The following ADAMTS17 variants were observed in gnomAD, a reference collection of about 807,000 sequenced individuals.
ADAMTS17 encodes the protein ADAM metallopeptidase with thrombospondin type 1 motif 17.
A neutral mutation model predicts 141.5 loss-of-function variants in ADAMTS17; 113 were observed. The ratio of observed to expected loss-of-function variants is 0.80; its 90% confidence interval spans 0.69 to 0.93. The LOEUF is 0.93. Ranked by LOEUF, ADAMTS17 falls within the 40% of genes least tolerant of loss-of-function variation. The pLI, the probability that ADAMTS17 is intolerant of heterozygous loss-of-function variation, is 0.00. For synonymous variants in ADAMTS17, 768 were observed against 630.6 expected (o/e 1.22, Z -3.27); for missense variants, 1,659 against 1,517.9 (o/e 1.09, Z -1.54).
intron 7 of ADAMTS17, among the ~76,000 whole-genome samples, chr15:100,220,138 G>A (rs567018008): frequency 6.6e-5 from 10 of 152,266 alleles, no homozygotes; most frequent in Admixed American, 1.3e-4. Flanking sequence ...GCATGAACCT[G>A]AAAGTCTGGC....
chr15:100,189,164 T>C (rs960554814), intron 8 of ADAMTS17, among the ~76,000 whole-genome samples: 4 of 152,216 alleles, frequency 2.6e-5, no homozygotes, highest in Non-Finnish European at 2.9e-5. Context: ...AAGGCACGAG[T>C]TGAAGTCCTA....
At chr15:100,157,019 T>A (rs1184536866) in intron 8 of ADAMTS17, among the ~76,000 whole-genome samples, 1 of 152,194 alleles carries the variant, frequency 6.6e-6, no homozygotes, top group Non-Finnish European at 1.5e-5. Flanking sequence ...CTTACAATCA[T>A]GGCAGAAGGT....
rs1207254373 is a variant in ADAMTS17, at chr15:100,253,202, A to T, written c.1075+934T>A. 2.6e-5 allele frequency among the ~76,000 whole-genome samples: 4 copies of T among 151,510 alleles called. No individual in the cohort carries two copies. The East Asian group carries it at 7.8e-4, about 30-fold the overall frequency. ...ACAAAGGTTCGCGTTATGGCAGGGA[A>T]AACTGGAAACACCCTTGGCATTGTG... On this transcript the variant is annotated intron_variant, in intron 7 of 21. Coordinates refer to ENST00000268070, the MANE Select transcript of ADAMTS17 (RefSeq NM_139057.4).
At chr15:100,086,553 GCACCA>G (rs2035113882) in intron 15 of ADAMTS17, among the ~76,000 whole-genome samples, 1 of 152,138 alleles carries the variant, frequency 6.6e-6, no homozygotes, top group Non-Finnish European at 1.5e-5. Flanking sequence ...ATTCTTCTCA[GCACCA>G]CACCACACTT....
At chr15:100,018,608 G>A (rs1006774343) in intron 18 of ADAMTS17, among the ~76,000 whole-genome samples, 2 of 152,206 alleles carry the variant, frequency 1.3e-5, no homozygotes, top group African/African-American at 4.8e-5. Flanking sequence ...TGCCATGAGT[G>A]TAAGTTTCCT....
intron 18 of ADAMTS17, among the ~76,000 whole-genome samples, chr15:100,033,348 A>C (rs541500033): frequency 5.3e-5 from 8 of 152,322 alleles, no homozygotes; most frequent in Admixed American, 2.0e-4. Flanking sequence ...ACAGCTGCTG[A>C]TGTTGAAAGT....
chr15:100,115,300 A>T (rs1271972295), intron 13 of ADAMTS17, among the ~76,000 whole-genome samples: 1 of 152,250 alleles, frequency 6.6e-6, no homozygotes, highest in African/African-American at 2.4e-5. Flanking sequence ...GCACGGCTCC[A>T]GCCGCACACG....
chr15:100,225,336 A>C (rs1047860906), intron 7 of ADAMTS17, among the ~76,000 whole-genome samples: 1 of 152,270 alleles, frequency 6.6e-6, no homozygotes, highest in African/African-American at 2.4e-5. Context: ...GTGCCAGCAC[A>C]TGGCTCAAAC....
Position 100,249,030 on chromosome 15 carries a change from C to G in ADAMTS17, c.1075+5106G>C, listed in dbSNP as rs115659017. ...ATCAGGCTGGTCTCAAATTCTTGAC[C>G]TCACGTGATCCGCCCACCTCGGCCT... is the stretch of plus-strand genomic sequence containing the variant. On this transcript the variant is annotated intron_variant, in intron 7 of 21. Transcript: ENST00000268070. Among the ~76,000 whole-genome samples the G allele has an allele frequency of 7.3e-3, 1,104 of 152,118 alleles. 13 individuals carry two copies. Among genetic ancestry groups the G allele is most frequent in the South Asian group, 0.022 (104 of 4,814 alleles).
At chr15:100,030,053 G>A (rs2573588) in intron 18 of ADAMTS17, among the ~76,000 whole-genome samples, 1 of 152,038 alleles carries the variant, frequency 6.6e-6, no homozygotes, top group Non-Finnish European at 1.5e-5. Context: ...GCCTTGCTTC[G>A]GATCAGCTCT....
At chr15:100,335,196 C>T (rs552721877) in intron 2 of ADAMTS17, among the ~76,000 whole-genome samples, 5 of 152,260 alleles carry the variant, frequency 3.3e-5, no homozygotes, top group Admixed American at 6.5e-5. Context: ...GGGACTGTAA[C>T]GCCGGCTCAA....
chr15:100,220,810 T>A (rs370629961), intron 7 of ADAMTS17, among the ~76,000 whole-genome samples: 231 of 152,362 alleles, frequency 1.5e-3, no homozygotes, highest in African/African-American at 5.3e-3. Context: ...AGCATAACGT[T>A]GTCAAGGGTC....
At chr15:99,992,372 A>AG (rs1316473924) in intron 20 of ADAMTS17, among the ~76,000 whole-genome samples, 1 of 152,196 alleles carries the variant, frequency 6.6e-6, no homozygotes, top group Non-Finnish European at 1.5e-5. Flanking sequence ...GGAGTGGTAC[A>AG]GATTTTGTGA....
intron 2 of ADAMTS17, chr15:100,339,076 G>A (rs1011524112): frequency 3.3e-5 from 33 of 985,304 alleles, no homozygotes; most frequent in East Asian, 1.1e-4. Flanking sequence ...TGTCTGCTCC[G>A]GCAGGAATTT....
chr15:100,017,260 T>C (rs552601262), intron 18 of ADAMTS17, among the ~76,000 whole-genome samples: 1 of 152,342 alleles, frequency 6.6e-6, no homozygotes, highest in African/African-American at 2.4e-5. Flanking sequence ...GTGGGCAAGC[T>C]AGGCTTGAGA....
At chr15:100,000,222 G>T (rs1186898752) in intron 18 of ADAMTS17, among the ~76,000 whole-genome samples, 1 of 152,176 alleles carries the variant, frequency 6.6e-6, no homozygotes, top group Non-Finnish European at 1.5e-5. Flanking sequence ...AGCACGAAGA[G>T]AATTGAGCTA....
chr15:100,307,716 C>T (rs80103622), intron 3 of ADAMTS17, among the ~76,000 whole-genome samples: 5 of 152,262 alleles, frequency 3.3e-5, no homozygotes, highest in East Asian at 1.9e-4. Flanking sequence ...ATGAGATAGC[C>T]GATGTCACGT....
intron 7 of ADAMTS17, among the ~76,000 whole-genome samples, chr15:100,227,573 C>A (rs1400188899): frequency 6.6e-6 from 1 of 152,232 alleles, no homozygotes; most frequent in Non-Finnish European, 1.5e-5. Flanking sequence ...CCAGTGATGG[C>A]ACATCGCTGG....
At chr15:100,138,951 T>C (rs1162605580) in intron 10 of ADAMTS17, among the ~76,000 whole-genome samples, 1 of 152,174 alleles carries the variant, frequency 6.6e-6, no homozygotes, top group African/African-American at 2.4e-5. Flanking sequence ...AAATTATCAG[T>C]GATTTCCCGG....
Sources: allele counts gnomAD v4.1 joint callset (sites outside exome capture counted in the v4.1 genomes callset), GRCh38; gene constraint gnomAD v4.1.1; transcripts MANE v1.5; gene names NCBI Gene and HGNC (gene_info 2026-07-23, HGNC 2026-07-21).